The following UTRN variants were observed in gnomAD, a reference collection of about 807,000 sequenced individuals.
UTRN encodes the protein utrophin.
In UTRN, 283 loss-of-function variants were observed where a neutral mutation model predicts 463.9. That is an observed-to-expected ratio of 0.61 (90% confidence interval 0.55 to 0.67). The LOEUF is 0.67. UTRN is among the 30% of genes least tolerant of loss of function. The pLI is 0.00. For synonymous variants in UTRN, 1,442 were observed against 1,431.5 expected (o/e 1.01, Z -0.17); for missense variants, 3,922 against 4,084.3 (o/e 0.96, Z 1.08).
At chr6:144,841,510 C>T (rs1202386612) in intron 73 of UTRN, among the ~76,000 whole-genome samples, 1 of 152,036 alleles carries the variant, frequency 6.6e-6, no homozygotes, top group African/African-American at 2.4e-5. Context: ...AGCACCTTGC[C>T]ACCTTGCAAT....
At chr6:144,478,967 A>C (rs1006115122) in intron 25 of UTRN, among the ~76,000 whole-genome samples, 1 of 152,164 alleles carries the variant, frequency 6.6e-6, no homozygotes, top group Non-Finnish European at 1.5e-5. Context: ...ATATACAAAC[A>C]TAGTAGACAT....
chr6:144,291,303 A>T (rs1804225214), intron 1 of UTRN, among the ~76,000 whole-genome samples: 1 of 152,128 alleles, frequency 6.6e-6, no homozygotes, highest in South Asian at 2.1e-4. Flanking sequence ...CTGCTCCATG[A>T]TTCTTTCTGC....
intron 66 of UTRN, among the ~76,000 whole-genome samples, chr6:144,823,460 C>T (rs1406989181): frequency 6.6e-6 from 1 of 152,060 alleles, no homozygotes; most frequent in Non-Finnish European, 1.5e-5. Context: ...GAAAAACCAG[C>T]GAAGTGGCAA....
intron 51 of UTRN, among the ~76,000 whole-genome samples, chr6:144,613,014 T>C (rs948554934): frequency 6.6e-6 from 1 of 152,112 alleles, no homozygotes; most frequent in South Asian, 2.1e-4. Flanking sequence ...AATGGTATAC[T>C]ATTCATCCTT....
At chr6:144,724,009 CAAA>C (rs59598919) in intron 53 of UTRN, among the ~76,000 whole-genome samples, 1,039 of 58,750 alleles carry the variant, frequency 0.018, 15 homozygotes, top group African/African-American at 0.054. Context: ...GACTCCATCT[CAAA>C]AAAAAAAAAA....
At chr6:144,684,049 CT>C (rs751258844) in intron 52 of UTRN, among the ~76,000 whole-genome samples, 139 of 137,250 alleles carry the variant, frequency 1.0e-3, no homozygotes, top group East Asian at 1.9e-3. Context: ...TGTCCCTTTA[CT>C]TTTTTTTTTT....
At chr6:144,663,020 T>C (rs939783886) in intron 51 of UTRN, among the ~76,000 whole-genome samples, 3 of 152,124 alleles carry the variant, frequency 2.0e-5, no homozygotes, top group Non-Finnish European at 2.9e-5. Flanking sequence ...ACAGGCAGGA[T>C]GGGCAATTTC....
chr6:144,798,823 C>A (rs536495156), intron 64 of UTRN, among the ~76,000 whole-genome samples: 1 of 152,394 alleles, frequency 6.6e-6, no homozygotes, highest in East Asian at 1.9e-4. Context: ...TTCACTTCAA[C>A]CTCTGCCTCC....
Position 144,587,332 on chromosome 6 carries a change from G to A in UTRN, c.7479+10044G>A, listed in dbSNP as rs116620859. ...TAGAAGAGACCAGAAGATTCCACCT[G>A]GGAAGTCACGATTGACCAGTGATGT... On this transcript the variant is annotated intron_variant, in intron 51 of 74. Coordinates refer to ENST00000367545, the MANE Select transcript of UTRN (RefSeq NM_007124.3). Among the ~76,000 whole-genome samples, 1,365 of 152,232 alleles carry A rather than the reference G, an allele frequency of 9.0e-3. 7 individuals are homozygous for A. The highest frequency in any genetic ancestry group is 0.024 in the Middle Eastern group (7 of 294).
chr6:144,470,300 C>T (rs992076618), intron 23 of UTRN, among the ~76,000 whole-genome samples: 5 of 152,290 alleles, frequency 3.3e-5, no homozygotes, highest in Admixed American at 2.0e-4. Flanking sequence ...CCCCCCACCT[C>T]CCAGACGGGG....
At chr6:144,403,678 C>T (rs993754701) in intron 3 of UTRN, among the ~76,000 whole-genome samples, 5 of 152,102 alleles carry the variant, frequency 3.3e-5, no homozygotes, top group Non-Finnish European at 2.9e-5. Flanking sequence ...ATTCCTCCCC[C>T]ACCCCAAAGA....
At position 144,678,631 on chromosome 6, in the gene UTRN, T is replaced by C. The variant is rs550311404; in HGVS notation, c.7652+53T>C. On this transcript the variant is annotated intron_variant, in intron 52 of 74. Coordinates refer to ENST00000367545, the MANE Select transcript of UTRN (RefSeq NM_007124.3). ...ATAATGGGGTGGAAGGGGTAGATAC[T>C]TGTGATTTTTGTATATCAGAAAGAG... The C allele has an allele frequency of 1.6e-4, 226 of 1,436,576 alleles. 1 individual carries two copies. In the African/African-American group the frequency reaches 2.9e-3, roughly 19 times the overall value. 89.0% of individuals were successfully genotyped at this position (1,436,576 alleles called of 1,614,324 possible).
At chr6:144,510,294 C>G (rs1795065256) in intron 34 of UTRN, among the ~76,000 whole-genome samples, 1 of 152,160 alleles carries the variant, frequency 6.6e-6, no homozygotes, top group Non-Finnish European at 1.5e-5. Flanking sequence ...CCTGGTGAAA[C>G]TTACGAATGT....
At chr6:144,528,223 A>G (rs1429013313) in intron 41 of UTRN, among the ~76,000 whole-genome samples, 1 of 151,952 alleles carries the variant, frequency 6.6e-6, no homozygotes, top group Non-Finnish European at 1.5e-5. Context: ...TTTAGTGGAG[A>G]CAGGGTTTCC....
chr6:144,655,763 T>C (rs899722977), intron 51 of UTRN, among the ~76,000 whole-genome samples: 4 of 152,240 alleles, frequency 2.6e-5, no homozygotes, highest in Non-Finnish European at 5.9e-5. Context: ...AGATCCACTA[T>C]AGGAGTAAGA....
intron 14 of UTRN, 23 bp downstream of exon 14, chr6:144,444,405 G>A: frequency 6.4e-7 from 1 of 1,571,716 alleles, no homozygotes; most frequent in Non-Finnish European, 8.7e-7. Flanking sequence ...TTTCCATAAG[G>A]GGCAAAATAA....
At chr6:144,570,214 A>T (rs996711297) in intron 50 of UTRN, among the ~76,000 whole-genome samples, 5 of 152,132 alleles carry the variant, frequency 3.3e-5, no homozygotes, top group African/African-American at 1.2e-4. Flanking sequence ...ACTAGGTGGG[A>T]TGGAGAAAAT....
intron 21 of UTRN, among the ~76,000 whole-genome samples, chr6:144,460,728 A>G (rs1192481092): frequency 1.3e-5 from 2 of 152,194 alleles, no homozygotes; most frequent in African/African-American, 4.8e-5. Flanking sequence ...CTGGCTGTTC[A>G]GTCATTATTT....
At chr6:144,528,731 G>A (rs1000220366) in intron 41 of UTRN, among the ~76,000 whole-genome samples, 1 of 152,216 alleles carries the variant, frequency 6.6e-6, no homozygotes, top group African/African-American at 2.4e-5. Flanking sequence ...CTCTGTGAGA[G>A]TCCTTGGTTG....
Sources: gnomAD v4.1 joint callset for allele counts (sites outside exome capture counted in the v4.1 genomes callset) on GRCh38, gnomAD v4.1.1 for gene constraint, MANE v1.5 for transcripts, NCBI Gene and HGNC (gene_info 2026-07-23, HGNC 2026-07-21) for gene names.